Variants in SNAP29 observed in about 807,000 individuals in gnomAD.
SNAP29 encodes the protein synaptosomal-associated protein 29.
SNAP29 carries 13 observed loss-of-function variants against 27.9 expected under a neutral mutation model. The ratio of observed to expected loss-of-function variants is 0.47; its 90% CI spans 0.30 to 0.74. The LOEUF (loss-of-function observed/expected upper bound fraction) is 0.74, where lower values mean the gene tolerates loss of function less well. SNAP29 is among the 30% of genes least tolerant of loss of function. SNAP29 has a pLI of 0.06. For synonymous variants in SNAP29, 119 were observed against 127.1 expected (o/e 0.94, Z 0.43); for missense variants, 368 against 336.5 (o/e 1.09, Z -0.73).
rs776310141 is a variant in SNAP29 at position 20,870,318 on chromosome 22, T to G, written c.238-19T>G. 1 of 1,613,628 alleles carries G rather than the reference T, an allele frequency of 6.2e-7. No homozygotes were observed. Among genetic ancestry groups the G allele is most frequent in the Non-Finnish European group, 8.5e-7 (1 of 1,179,716 alleles). ...GAGTCACAGAAAGCTATAATGCCACTGCCTCTCGGTTTCCCCAGGAGCTCG... is the reference window on the plus strand; with the variant it reads ...GAGTCACAGAAAGCTATAATGCCACGGCCTCTCGGTTTCCCCAGGAGCTCG... On this transcript the variant is annotated intron_variant, in intron 1 of 4. Coordinates refer to ENST00000215730, the MANE Select transcript of SNAP29 (RefSeq NM_004782.4).
intron 1 of SNAP29, chr22:20,859,611 C>A (rs1928185481): frequency 1.9e-6 from 1 of 527,454 alleles, no homozygotes; most frequent in South Asian, 2.3e-5. Context: ...GCCTAGCTCA[C>A]GGGGAAACGC....
At chr22:20,880,957 A>G in intron 2 of SNAP29, 92 bp from the exon 3 acceptor site, 1 of 830,854 alleles carries the variant, frequency 1.2e-6, no homozygotes, top group Non-Finnish European at 2.0e-6. Flanking sequence ...TTTGATTTTT[A>G]GCACACAGGC....
At chr22:20,870,620 C>G in intron 2 of SNAP29, 87 bp downstream of exon 2, 1 of 1,237,446 alleles carries the variant, frequency 8.1e-7, no homozygotes, top group Non-Finnish European at 1.2e-6. Flanking sequence ...ACGTCAGTGC[C>G]ATGAAGGGAT....
chr22:20,864,716 A>G (rs1928417466), intron 1 of SNAP29, among the ~76,000 whole-genome samples: 1 of 152,196 alleles, frequency 6.6e-6, no homozygotes, highest in Non-Finnish European at 1.5e-5. Context: ...CTCTTGCTCA[A>G]CTTTCTACCC....
In SNAP29 at chr22:20,883,564, A is replaced by G; in HGVS notation, c.614A>G (p.Asn205Ser). The G allele has an allele frequency of 6.2e-7, 1 of 1,607,940 alleles. No individual in the cohort carries two copies. Among genetic ancestry groups the G allele is most frequent in the South Asian group, 1.1e-5 (1 of 90,926 alleles). Reference protein sequence around the residue: ...LRAYHQKIDSNLDELSMGLGR... With the variant: ...LRAYHQKIDSSLDELSMGLGR... Reference sequence around the variant, plus strand: ...GCCTATCACCAGAAGATCGACAGCAACCTAGGTAAGACTGAGCACCACACC... The same window carrying G: ...GCCTATCACCAGAAGATCGACAGCAGCCTAGGTAAGACTGAGCACCACACC... Residue 205 changes from asparagine to serine, a missense_variant, in exon 4 of 5, where the codon AAC (asparagine) becomes AGC (serine). Transcript: ENST00000215730.
In SNAP29 at chr22:20,888,311, T is replaced by TCTCACACACACACACACACACACA. The variant is rs1363748977; in HGVS notation, c.*476_*477insTCACACACACACACACACACACAC. 1 of 173,886 alleles carries TCTCACACACACACACACACACACA rather than the reference T, an allele frequency of 5.8e-6. No homozygotes were observed. The highest frequency in any genetic ancestry group is 3.4e-5 in the African/African-American group (1 of 29,736). 10.8% of individuals were successfully genotyped at this position (173,886 alleles called of 1,614,324 possible). A position where few individuals can be genotyped will look rare whatever the true frequency, so the allele number is the denominator to read the frequency against. Reference sequence around the variant, plus strand: ...CACACCTTTGTTTAGGAGTCATCATTCACACACACACACACACACACACAC... The same window carrying TCTCACACACACACACACACACACA: ...CACACCTTTGTTTAGGAGTCATCATTCTCACACACACACACACACACACACACACACACACACACACACACACAC... On this transcript the variant is annotated 3_prime_UTR_variant, in exon 5 of 5. Transcript: ENST00000215730.
Position 20,870,401 on chromosome 22 carries a change from A to G in SNAP29, c.302A>G (p.Asp101Gly). The G allele has an allele frequency of 1.2e-6, 2 of 1,614,158 alleles. No homozygotes were observed. The highest frequency in any genetic ancestry group is 1.7e-6 in the Non-Finnish European group (2 of 1,180,012). Residue 101 changes from aspartate to glycine, a missense_variant, in exon 2 of 5, where the codon GAT (aspartate) becomes GGT (glycine). Asp to Gly is a moderately conservative substitution (Grantham distance 94, BLOSUM62 -1). Transcript: ENST00000215730. The part of the protein sequence containing the change: ...TEKMVDKMDQ[D>G]LKISQKHINS... ...AAGATGGTGGACAAGATGGACCAAGATTTGAAGATCAGCCAGAAACACATC... is the reference window on the plus strand; with the variant it reads ...AAGATGGTGGACAAGATGGACCAAGGTTTGAAGATCAGCCAGAAACACATC...
Position 20,887,923 on chromosome 22 carries a change from T to G in SNAP29, c.*87T>G. 7.8e-7 allele frequency: 1 copy of G among 1,279,256 alleles called. No individual in the cohort carries two copies. Among genetic ancestry groups the G allele is most frequent in the Non-Finnish European group, 1.1e-6 (1 of 890,508 alleles). 79.2% of individuals were successfully genotyped at this position (1,279,256 alleles called of 1,614,324 possible). A position where few individuals can be genotyped will look rare whatever the true frequency, so the allele number is the denominator to read the frequency against. The stretch of plus-strand genomic sequence containing the variant: ...CAAGAAATTTCATTTACTATTTTAG[T>G]ATGTAAATTAATGTGTGTTTGCAAA... On this transcript the variant is annotated 3_prime_UTR_variant, in exon 5 of 5. Transcript: ENST00000215730.
chr22:20,883,613 C>T (rs766807617), intron 4 of SNAP29, 44 bp downstream of exon 4: 1 of 1,308,966 alleles, frequency 7.6e-7, no homozygotes. Context: ...CACTGTCCTT[C>T]AGGCAGCTTA....
At chr22:20,862,270 A>G (rs115008702) in intron 1 of SNAP29, among the ~76,000 whole-genome samples, 1 of 152,222 alleles carries the variant, frequency 6.6e-6, no homozygotes, top group Non-Finnish European at 1.5e-5. Context: ...ACATCTTTGT[A>G]AACTGAGAAC....
At chr22:20,886,110 A>ACTT (rs144704533) in intron 4 of SNAP29, among the ~76,000 whole-genome samples, 1 of 144,666 alleles carries the variant, frequency 6.9e-6, no homozygotes, top group African/African-American at 2.6e-5. Context: ...CTGAAGACTT[A>ACTT]TCTTTTTTTT....
intron 2 of SNAP29, among the ~76,000 whole-genome samples, chr22:20,873,967 A>G (rs1476799997): frequency 5.2e-5 from 3 of 57,378 alleles, no homozygotes; most frequent in African/African-American, 2.7e-4. Context: ...TCTGTCTCAA[A>G]AAAAAAAAAA....
intron 3 of SNAP29, among the ~76,000 whole-genome samples, chr22:20,882,581 C>T (rs996792030): frequency 1.3e-5 from 2 of 151,994 alleles, no homozygotes; most frequent in African/African-American, 4.8e-5. Flanking sequence ...GAGAGACTAA[C>T]ATCATCAGCA....
chr22:20,876,804 T>C (rs1928757298), intron 2 of SNAP29, among the ~76,000 whole-genome samples: 2 of 152,116 alleles, frequency 1.3e-5, no homozygotes, highest in South Asian at 4.1e-4. Flanking sequence ...TCTCCTGACC[T>C]AGTGATCTGC....
chr22:20,874,091 C>T (rs1209920035), intron 2 of SNAP29, among the ~76,000 whole-genome samples: 7 of 150,080 alleles, frequency 4.7e-5, no homozygotes, highest in Admixed American at 2.7e-4. Flanking sequence ...CTGGCTAACA[C>T]GGTGAAACCC....
At chr22:20,862,646 AGT>A (rs531566458) in intron 1 of SNAP29, among the ~76,000 whole-genome samples, 277 of 152,312 alleles carry the variant, frequency 1.8e-3, no homozygotes, top group African/African-American at 6.6e-3. Flanking sequence ...CAGTGGGGAC[AGT>A]GAGAGCTGAG....
intron 2 of SNAP29, among the ~76,000 whole-genome samples, chr22:20,874,048 A>G (rs907059939): frequency 2.7e-5 from 4 of 150,754 alleles, no homozygotes; most frequent in Non-Finnish European, 4.4e-5. Context: ...GGCCAAGGCC[A>G]ACGGAGCACG....
Position 20,888,238 on chromosome 22 carries a change from T to A in SNAP29, c.*402T>A, listed in dbSNP as rs1028343470. 4 of 318,398 alleles carry A rather than the reference T, an allele frequency of 1.3e-5. No individual in the cohort carries two copies. Among genetic ancestry groups the A allele is most frequent in the African/African-American group, 2.2e-5 (1 of 45,432 alleles). The allele number at this position is 318,398 out of a possible 1,614,324, so 19.7% of individuals were successfully genotyped here. ...TCCTAAGCCTTACCATGAGTCAGAG[T>A]GTTAAGGGGGCCTGTGAACCAGTCG... On this transcript the variant is annotated 3_prime_UTR_variant, in exon 5 of 5. Coordinates refer to ENST00000215730, the MANE Select transcript of SNAP29 (RefSeq NM_004782.4).
At chr22:20,873,374 GC>G (rs965650159) in intron 2 of SNAP29, among the ~76,000 whole-genome samples, 43 of 152,182 alleles carry the variant, frequency 2.8e-4, no homozygotes, top group African/African-American at 9.6e-4. Flanking sequence ...TAAGTGGAGA[GC>G]CAGTGACTGT....
Sources: gnomAD v4.1 joint callset for allele counts (sites outside exome capture counted in the v4.1 genomes callset) on GRCh38, gnomAD v4.1.1 for gene constraint, MANE v1.5 for transcripts, NCBI Gene and HGNC (gene_info 2026-07-23, HGNC 2026-07-21) for gene names.